Variants in TAOK1 observed in about 807,000 individuals in gnomAD.
The protein encoded by TAOK1 is serine/threonine-protein kinase TAO1.
Under a neutral mutation model 138.3 loss-of-function variants are expected in TAOK1, and 21 were observed. The ratio of observed to expected loss-of-function variants is 0.15; its 90% CI spans 0.11 to 0.22. The LOEUF is 0.22. Among genes scored for constraint, TAOK1 ranks in the 10% least tolerant of loss-of-function variants. TAOK1 has a pLI of 1.00. For missense variants in TAOK1, 651 were observed against 1,227.7 expected (o/e 0.53, Z 7.02); for synonymous variants, 361 against 398.4 (o/e 0.91, Z 1.12).
intron 13 of TAOK1, among the ~76,000 whole-genome samples, chr17:29,502,961 G>C (rs1017410542): frequency 2.0e-5 from 3 of 152,098 alleles, no homozygotes; most frequent in African/African-American, 7.2e-5. Flanking sequence ...TCTTAAATAA[G>C]ATAACTACAA....
chr17:29,478,378 G>A (rs768911674), intron 6 of TAOK1, 31 bp downstream of exon 6: 12 of 1,463,098 alleles, frequency 8.2e-6, no homozygotes, highest in Non-Finnish European at 1.1e-5. Context: ...ATATTGATAA[G>A]TAAATGGCTT....
At chr17:29,501,334 G>A (rs1352374144) in intron 12 of TAOK1, among the ~76,000 whole-genome samples, 6 of 151,222 alleles carry the variant, frequency 4.0e-5, no homozygotes, top group Admixed American at 3.3e-4. Context: ...AGTAGTGGAG[G>A]ATCAGTTGAG....
At chr17:29,541,181 C>G (rs1258932488) in intron 19 of TAOK1, among the ~76,000 whole-genome samples, 1 of 151,910 alleles carries the variant, frequency 6.6e-6, no homozygotes, top group Non-Finnish European at 1.5e-5. Flanking sequence ...GTGATCTCTG[C>G]TCACTGCAGC....
chr17:29,478,438 T>A, intron 6 of TAOK1, 91 bp downstream of exon 6: 1 of 833,380 alleles, frequency 1.2e-6, no homozygotes, highest in Non-Finnish European at 1.8e-6. Context: ...TTTTATTGGT[T>A]AAAGCCAAAT....
At chr17:29,487,593 A>G (rs903206318) in intron 8 of TAOK1, among the ~76,000 whole-genome samples, 125 of 152,306 alleles carry the variant, frequency 8.2e-4, no homozygotes, top group African/African-American at 2.9e-3. Flanking sequence ...AAGCTAGGAC[A>G]TCTTAGTGTA....
rs2030355059 is a variant in TAOK1, at chr17:29,455,525, A to G, written c.132+3845A>G. ...GTACAGTGTTGAACAGCCGTGGTGA[A>G]AGTGAGCATGTTGTCTTGTTCCTGA... On this transcript the variant is annotated intron_variant, in intron 2 of 19. Coordinates refer to ENST00000261716, the MANE Select transcript of TAOK1 (RefSeq NM_020791.4). Among the ~76,000 whole-genome samples the G allele has an allele frequency of 1.3e-5, 2 of 150,586 alleles. 1 individual carries two copies. Among genetic ancestry groups the G allele is most frequent in the African/African-American group, 5.0e-5 (2 of 39,904 alleles).
chr17:29,454,426 G>A (rs2030323397), intron 2 of TAOK1, among the ~76,000 whole-genome samples: 1 of 151,284 alleles, frequency 6.6e-6, no homozygotes, highest in Non-Finnish European at 1.5e-5. Context: ...TTGAGGATTG[G>A]CTTTTTTTTT....
intron 16 of TAOK1, among the ~76,000 whole-genome samples, chr17:29,520,764 G>A (rs112969351): frequency 2.7e-5 from 4 of 149,540 alleles, no homozygotes; most frequent in East Asian, 2.1e-4. Flanking sequence ...AGTGGCTCAC[G>A]CCTGTAATCC....
chr17:29,404,126 G>GT (rs1322412175), intron 1 of TAOK1: 3 of 152,014 alleles, frequency 2.0e-5, no homozygotes, highest in Admixed American at 6.6e-5. Context: ...TTCTGTGTGT[G>GT]TGTGGGGGGG....
chr17:29,453,823 T>G lies in TAOK1; in HGVS notation c.132+2143T>G, dbSNP rs533861859. On this transcript the variant is annotated intron_variant, in intron 2 of 19. Transcript: ENST00000261716. ...TAGGTTTTTTTGTTTTTTTTTTTTT[T>G]GAGACAGGGTCTCTCACTCTGTTGC... Among the ~76,000 whole-genome samples the G allele has an allele frequency of 5.3e-5, 8 of 151,078 alleles. No individual in the cohort carries two copies. The South Asian group carries it at 1.5e-3, about 28-fold the overall frequency.
At position 29,542,907 on chromosome 17, in the gene TAOK1, A is replaced by G. The variant is rs1380654730; in HGVS notation, c.2891A>G (p.Asn964Ser). Residue 964 changes from asparagine (N) to serine (S), a missense_variant, in exon 20 of 20, where the codon AAT becomes AGT. By Grantham distance (46) the Asn-to-Ser change is conservative (BLOSUM62 1). Around this residue, in one of 8 missense-constraint regions of TAOK1, gnomAD observed 108 missense variants for 120.3 expected, o/e 0.90. Transcript: ENST00000261716. ...VPRGSSMGVR[N>S]SPQALRRTAS... ...CGAGGTAGCAGTATGGGAGTCCGCAATAGCCCCCAGGCTCTGAGGCGGACA... is the reference window on the plus strand; with the variant it reads ...CGAGGTAGCAGTATGGGAGTCCGCAGTAGCCCCCAGGCTCTGAGGCGGACA... 8 of 1,613,816 alleles carry G rather than the reference A, an allele frequency of 5.0e-6. No individual in the cohort carries two copies. Among genetic ancestry groups the G allele is most frequent in the South Asian group, 1.1e-5 (1 of 91,062 alleles).
chr17:29,522,582 GAA>G (rs1166704503), intron 17 of TAOK1, 63 bp downstream of exon 17: 22 of 1,589,832 alleles, frequency 1.4e-5, no homozygotes, highest in Middle Eastern at 1.7e-4. Context: ...ATGTAAGCAG[GAA>G]AAGTCTTAAG....
At chr17:29,467,346 T>C (rs2030694822) in intron 3 of TAOK1, 130 bp downstream of exon 3, 1 of 389,202 alleles carries the variant, frequency 2.6e-6, no homozygotes, top group Non-Finnish European at 4.3e-6. Flanking sequence ...CAATCTTGGC[T>C]CACTGCAAGC....
intron 19 of TAOK1, among the ~76,000 whole-genome samples, chr17:29,538,594 TAAG>T (rs1471463832): frequency 1.3e-5 from 2 of 152,190 alleles, no homozygotes; most frequent in Non-Finnish European, 2.9e-5. Context: ...TACATACATA[TAAG>T]AAGGAGACAT....
At chr17:29,507,621 G>T (rs990023878) in intron 13 of TAOK1, among the ~76,000 whole-genome samples, 10 of 152,234 alleles carry the variant, frequency 6.6e-5, no homozygotes, top group African/African-American at 2.4e-4. Context: ...CTTAAAGCCA[G>T]TATCACATTG....
chr17:29,513,158 A>G (rs899979241), intron 15 of TAOK1: 1 of 147,472 alleles, frequency 6.8e-6, no homozygotes, highest in African/African-American at 2.5e-5. Flanking sequence ...AGTATAATCA[A>G]TTTGATATTA....
intron 2 of TAOK1, among the ~76,000 whole-genome samples, chr17:29,460,550 G>A (rs994850812): frequency 4.6e-5 from 7 of 152,176 alleles, no homozygotes; most frequent in Admixed American, 2.0e-4. Flanking sequence ...CAAGGGTATA[G>A]TGGGAACTAA....
chr17:29,395,646 CT>C (rs10591199), intron 1 of TAOK1, among the ~76,000 whole-genome samples: 114 of 129,790 alleles, frequency 8.8e-4, no homozygotes, highest in Non-Finnish European at 1.2e-3. Flanking sequence ...GGTATGTGTA[CT>C]TTTTTTTTTT....
chr17:29,411,056 C>T (rs1372179282), intron 1 of TAOK1, among the ~76,000 whole-genome samples: 3 of 148,572 alleles, frequency 2.0e-5, no homozygotes, highest in South Asian at 2.2e-4. Flanking sequence ...TTTTTTACTT[C>T]TACAAACCTA....
Sources: allele counts gnomAD v4.1 joint callset (sites outside exome capture counted in the v4.1 genomes callset), GRCh38; gene constraint gnomAD v4.1.1; regional missense constraint gnomAD v4.1.1; transcripts MANE v1.5; gene names NCBI Gene and HGNC (gene_info 2026-07-23, HGNC 2026-07-21).